CNDP1: variants seen among roughly 807,000 people sequenced by gnomAD.
CNDP1 encodes the protein beta-Ala-His dipeptidase.
Under a neutral mutation model 58.1 loss-of-function variants are expected in CNDP1, and 44 were observed. That is an observed-to-expected ratio of 0.76 (90% CI 0.60 to 0.97). CNDP1 has a LOEUF of 0.97. CNDP1 is among the 50% of genes least tolerant of loss of function. The pLI is 0.00. For synonymous variants in CNDP1, 254 were observed against 252.6 expected (o/e 1.01, Z -0.05); for missense variants, 616 against 655.1 (o/e 0.94, Z 0.65).
intron 10 of CNDP1, among the ~76,000 whole-genome samples, chr18:74,582,572 G>A (rs1200563890): frequency 3.3e-5 from 5 of 152,102 alleles, no homozygotes; most frequent in East Asian, 1.9e-4. Context: ...GTCTTGTGTC[G>A]TGCCAAAAAT....
In CNDP1 at chr18:74,564,291, G is replaced by A. The variant is rs554627598; in HGVS notation, c.555+2156G>A. 1.1e-4 allele frequency among the ~76,000 whole-genome samples: 17 copies of A among 152,094 alleles called. No individual in the cohort carries two copies. In the South Asian group the frequency reaches 3.5e-3, roughly 32 times the overall value. On this transcript the variant is annotated intron_variant, in intron 5 of 11. Coordinates refer to ENST00000358821, the MANE Select transcript of CNDP1 (RefSeq NM_032649.6). ...AGACTTTGACCTCTCCTCTTAATGT[G>A]GTTCTCAAAGATATGAAGTTATAAA...
chr18:74,571,234 C>CTT lies in CNDP1; in HGVS notation c.806_807dup (p.His270PhefsTer16). On this transcript the variant is annotated frameshift_variant, in exon 7 of 12. Coordinates refer to ENST00000358821, the MANE Select transcript of CNDP1 (RefSeq NM_032649.6). LOFTEE classifies it high-confidence loss of function. ...TCACTCAGGAACCTTTGGTGGCATC[C>CTT]TTCATGAACCAATGGCTGATCTGGT... 1 of 1,613,322 alleles carries CTT rather than the reference C, an allele frequency of 6.2e-7. No individual in the cohort carries two copies. Among genetic ancestry groups the CTT allele is most frequent in the East Asian group, 2.2e-5 (1 of 44,858 alleles).
At chr18:74,575,320 C>A (rs1981602485) in intron 7 of CNDP1, among the ~76,000 whole-genome samples, 1 of 152,140 alleles carries the variant, frequency 6.6e-6, no homozygotes. Flanking sequence ...ACAGTGCGTG[C>A]TTAGAAGGCA....
At chr18:74,584,345 G>A (rs1981861046) in intron 11 of CNDP1, 151 bp from the exon 12 acceptor site, 4 of 614,274 alleles carry the variant, frequency 6.5e-6, no homozygotes, top group Admixed American at 5.5e-5. Context: ...AACTTACTAA[G>A]TGCTTTTCAT....
At chr18:74,561,110 C>T (rs1981185543) in intron 4 of CNDP1, 92 bp downstream of exon 4, 5 of 1,494,654 alleles carry the variant, frequency 3.3e-6, no homozygotes, top group Admixed American at 3.7e-5. Context: ...TTTTGGGTCT[C>T]TCCCTGTCAT....
intron 2 of CNDP1, among the ~76,000 whole-genome samples, chr18:74,556,918 T>C (rs1039518600): frequency 6.6e-6 from 1 of 152,210 alleles, no homozygotes; most frequent in Non-Finnish European, 1.5e-5. Flanking sequence ...ATTCATTCAA[T>C]TTATTTATTT....
chr18:74,552,922 C>T (rs1980946510), intron 1 of CNDP1, among the ~76,000 whole-genome samples: 1 of 152,190 alleles, frequency 6.6e-6, no homozygotes, highest in African/African-American at 2.4e-5. Flanking sequence ...TTTCCAATTT[C>T]TCTACATCTT....
At position 74,571,308 on chromosome 18, in the gene CNDP1, G is replaced by A. The variant is rs375946969; in HGVS notation, c.841+38G>A. Reference sequence around the variant, plus strand: ...TTTGTTTCACTTTTTAAGCATCAGGGATCAACTAAAAGACAGCTCTACTTG... The same window carrying A: ...TTTGTTTCACTTTTTAAGCATCAGGAATCAACTAAAAGACAGCTCTACTTG... On this transcript the variant is annotated intron_variant, in intron 7 of 11. Coordinates refer to ENST00000358821, the MANE Select transcript of CNDP1 (RefSeq NM_032649.6). 2.2e-6 allele frequency: 3 copies of A among 1,394,784 alleles called. No individual in the cohort carries two copies. The African/African-American group carries it at 4.3e-5, about 20-fold the overall frequency. The allele number at this position is 1,394,784 out of a possible 1,614,324, so 86.4% of individuals were successfully genotyped here.
chr18:74,569,770 A>G (rs1171197912), intron 6 of CNDP1, among the ~76,000 whole-genome samples: 1 of 152,220 alleles, frequency 6.6e-6, no homozygotes, highest in Non-Finnish European at 1.5e-5. Flanking sequence ...GAGCGCAGGC[A>G]CACAGGCTCA....
intron 6 of CNDP1, among the ~76,000 whole-genome samples, chr18:74,569,492 T>C (rs1333913932): frequency 6.6e-6 from 1 of 152,198 alleles, no homozygotes; most frequent in Non-Finnish European, 1.5e-5. Context: ...GAAGGCACCG[T>C]AAGCATTCCA....
At chr18:74,548,884 A>C (rs1160654952) in intron 1 of CNDP1, among the ~76,000 whole-genome samples, 1 of 152,206 alleles carries the variant, frequency 6.6e-6, no homozygotes, top group Non-Finnish European at 1.5e-5. Context: ...TGCCCTAAGG[A>C]TCTGTGGAAT....
rs142320143 is a variant in CNDP1 at position 74,555,789 on chromosome 18, A to T, written c.25-549A>T. 7.1e-3 allele frequency among the ~76,000 whole-genome samples: 1,085 copies of T among 152,250 alleles called. 14 individuals are homozygous for T. The highest frequency in any genetic ancestry group is 0.025 in the African/African-American group (1,043 of 41,532). On this transcript the variant is annotated intron_variant, in intron 1 of 11. Transcript: ENST00000358821. ...TGATCCGCCCACCTCGACCTCCCAA[A>T]GTACTGGGATTACAGGCATGAACCA...
Position 74,534,660 on chromosome 18 carries a change from C to T in CNDP1, c.-8C>T. 1 of 1,614,122 alleles carries T rather than the reference C, an allele frequency of 6.2e-7. No individual in the cohort carries two copies. The highest frequency in any genetic ancestry group is 8.5e-7 in the Non-Finnish European group (1 of 1,179,994). ...GAAAGTTGCTAGAGGCTTCAGAACTCCAGCCTAATGGATCCCAAACTCGGG... is the reference window on the plus strand; with the variant it reads ...GAAAGTTGCTAGAGGCTTCAGAACTTCAGCCTAATGGATCCCAAACTCGGG... On this transcript the variant is annotated 5_prime_UTR_variant, in exon 1 of 12. Transcript: ENST00000358821.
chr18:74,563,207 C>T (rs1397619602), intron 5 of CNDP1, among the ~76,000 whole-genome samples: 2 of 152,174 alleles, frequency 1.3e-5, no homozygotes, highest in African/African-American at 4.8e-5. Flanking sequence ...ACTCCTGAGT[C>T]TCACAGAAGA....
At position 74,559,481 on chromosome 18, in the gene CNDP1, C is replaced by A. The variant is rs746871286; in HGVS notation, c.303+9C>A. 1.3e-6 allele frequency: 2 copies of A among 1,596,612 alleles called. No homozygotes were observed. Among genetic ancestry groups the A allele is most frequent in the East Asian group, 4.5e-5 (2 of 44,728 alleles). On this transcript the variant is annotated intron_variant, in intron 3 of 11. Coordinates refer to ENST00000358821, the MANE Select transcript of CNDP1 (RefSeq NM_032649.6). Reference sequence around the variant, plus strand: ...ACATGGGTCCTCAGCAGGTGCTGTACGATTCCCTCCCACTGAGGGAGGTGC... The same window carrying A: ...ACATGGGTCCTCAGCAGGTGCTGTAAGATTCCCTCCCACTGAGGGAGGTGC...
Position 74,567,262 on chromosome 18 carries a change from T to C in CNDP1, c.585T>C (p.Ile195=). The change falls in exon 6 of 12, where the codon ATT becomes ATC. Residue 195 remains isoleucine, a synonymous_variant. Coordinates refer to ENST00000358821, the MANE Select transcript of CNDP1 (RefSeq NM_032649.6). The part of the protein sequence containing the change: ...QDLPVNIKFI[I]EGMEEAGSVA... ...TTCCTGTGAATATCAAATTCATCAT[T>C]GAGGGGATGGAAGAGGCTGGCTCTG... 6.2e-7 allele frequency: 1 copy of C among 1,614,174 alleles called. No homozygotes were observed. The highest frequency in any genetic ancestry group is 1.1e-5 in the South Asian group (1 of 91,084).
At chr18:74,538,114 C>T (rs893960640) in intron 1 of CNDP1, among the ~76,000 whole-genome samples, 2 of 152,204 alleles carry the variant, frequency 1.3e-5, no homozygotes, top group South Asian at 2.1e-4. Context: ...CATGTGCAAC[C>T]ATCACCACCA....
At position 74,567,384 on chromosome 18, in the gene CNDP1, A is replaced by C; in HGVS notation, c.707A>C (p.Lys236Thr). 6.2e-7 allele frequency: 1 copy of C among 1,614,150 alleles called. No homozygotes were observed. The highest frequency in any genetic ancestry group is 8.5e-7 in the Non-Finnish European group (1 of 1,179,996). The change falls in exon 6 of 12, where the codon AAG (lysine) becomes ACG (threonine). Residue 236 changes from lysine (K) to threonine (T), a missense_variant. Lys to Thr is a moderately conservative substitution (Grantham distance 78). Coordinates refer to ENST00000358821, the MANE Select transcript of CNDP1 (RefSeq NM_032649.6). ...GATAACCTGTGGATCAGCCAAAGGA[A>C]GCCAGCAATCACTTACGGAACCCGG... The part of the protein sequence containing the change: ...ISDNLWISQR[K>T]PAITYGTRGN...
chr18:74,538,413 C>T (rs868471543), intron 1 of CNDP1, among the ~76,000 whole-genome samples: 3 of 152,342 alleles, frequency 2.0e-5, no homozygotes, highest in Non-Finnish European at 2.9e-5. Context: ...GAATATGCCA[C>T]ATTTTGTATT....
Sources: gnomAD v4.1 joint callset for allele counts (sites outside exome capture counted in the v4.1 genomes callset) on GRCh38, gnomAD v4.1.1 for gene constraint, MANE v1.5 for transcripts, NCBI Gene and HGNC (gene_info 2026-07-23, HGNC 2026-07-21) for gene names.